Variants in ZNF827 observed in about 807,000 individuals in gnomAD.
ZNF827 encodes zinc finger protein 827.
Under a neutral mutation model 102.4 loss-of-function variants are expected in ZNF827, and 13 were observed. That is an observed-to-expected ratio of 0.13 (90% CI 0.08 to 0.20). The LOEUF is 0.20. Ranked by LOEUF, ZNF827 falls within the 10% of genes least tolerant of loss-of-function variation. The pLI is 1.00. For synonymous variants in ZNF827, 523 were observed against 536.2 expected (o/e 0.98, Z 0.34); for missense variants, 1,103 against 1,344.4 (o/e 0.82, Z 2.81).
chr4:145,938,551 G>C lies in ZNF827; in HGVS notation c.-144C>G, dbSNP rs1460744640. On this transcript the variant is annotated 5_prime_UTR_variant, in exon 1 of 15. Transcript: ENST00000508784. The stretch of plus-strand genomic sequence containing the variant: ...CAGGGGGAAACCCCTTCTCCGGTGT[G>C]TGCAATGGGTTGAAGCTTGTTTCCT... 2 of 621,986 alleles carry C rather than the reference G, an allele frequency of 3.2e-6. No homozygotes were observed. The highest frequency in any genetic ancestry group is 2.8e-6 in the Non-Finnish European group (1 of 353,970). The allele number at this position is 621,986 out of a possible 1,614,324, so 38.5% of individuals were successfully genotyped here. A position where few individuals can be genotyped will look rare whatever the true frequency, so the allele number is the denominator to read the frequency against.
At chr4:145,907,253 C>T in intron 1 of ZNF827, 1 of 455,102 alleles carries the variant, frequency 2.2e-6, no homozygotes, top group Admixed American at 2.4e-5. Context: ...TGTCCAATCT[C>T]ATAATGGAGG....
At chr4:145,857,369 T>C (rs1747249044) in intron 5 of ZNF827, among the ~76,000 whole-genome samples, 1 of 152,220 alleles carries the variant, frequency 6.6e-6, no homozygotes, top group African/African-American at 2.4e-5. Flanking sequence ...CTTTCTGGGG[T>C]ACATGAAACA....
At chr4:145,771,600 G>A (rs545478829) in intron 11 of ZNF827, among the ~76,000 whole-genome samples, 1 of 152,338 alleles carries the variant, frequency 6.6e-6, no homozygotes, top group East Asian at 1.9e-4. Context: ...ACGCCAGACA[G>A]TGGGAGAAAG....
At chr4:145,904,481 G>A (rs1316963957) in intron 1 of ZNF827, among the ~76,000 whole-genome samples, 1 of 152,208 alleles carries the variant, frequency 6.6e-6, no homozygotes, top group Non-Finnish European at 1.5e-5. Context: ...TCAAGGTGGA[G>A]CTTCACAGAA....
chr4:145,870,600 A>G (rs1748599718), intron 4 of ZNF827, 122 bp from the exon 5 acceptor site: 1 of 840,438 alleles, frequency 1.2e-6, no homozygotes, highest in Non-Finnish European at 1.8e-6. Context: ...AGGGATCACA[A>G]CCTCATCAGA....
intron 1 of ZNF827, among the ~76,000 whole-genome samples, chr4:145,920,212 A>T (rs1229060303): frequency 2.0e-5 from 3 of 152,216 alleles, no homozygotes; most frequent in Non-Finnish European, 2.9e-5. Flanking sequence ...TGATATTGTT[A>T]CCCAGCTCTA....
intron 7 of ZNF827, among the ~76,000 whole-genome samples, chr4:145,841,378 C>T (rs1745400590): frequency 6.6e-6 from 1 of 152,156 alleles, no homozygotes; most frequent in South Asian, 2.1e-4. Flanking sequence ...TGATATCATG[C>T]CTCATGTATT....
rs572234935 is a variant in ZNF827, at chr4:145,765,723, G to T, written c.2876C>A (p.Thr959Asn). The T allele has an allele frequency of 1.7e-5, 28 of 1,613,592 alleles. No homozygotes were observed. The South Asian group carries it at 2.6e-4, about 15-fold the overall frequency. ...GTKHTGEDRK[T>N]PSESNSPSSS... ...AGAGGGGCTATTTGATTCGCTGGGG[G>T]TCTTCCTGTCTTCCCCTGAAAAATA... Residue 959 changes from threonine to asparagine, a missense_variant, in exon 12 of 15, where the codon ACC becomes AAC. Physicochemically the swap from Thr to Asn is moderately conservative, Grantham distance 65 (BLOSUM62 0). This residue lies in a region of ZNF827 where 242 missense variants were observed against 361.9 expected (regional missense o/e 0.67). Transcript: ENST00000508784. The surrounding 1 kb of genome is among the most constrained non-coding windows in gnomAD (Gnocchi z 4.7).
chr4:145,782,154 A>C (rs866779953), intron 8 of ZNF827, among the ~76,000 whole-genome samples: 9 of 152,174 alleles, frequency 5.9e-5, no homozygotes, highest in Non-Finnish European at 1.2e-4. Context: ...TGCTCTCCCC[A>C]CCTCATGTTT....
rs79070383 is a variant in ZNF827 at position 145,829,907 on chromosome 4, G to C, written c.2280-6382C>G. On this transcript the variant is annotated intron_variant, in intron 7 of 14. Transcript: ENST00000508784. ...CAGTATTTTAAAAACTCTGACCTTT[G>C]AATCACTTAGACCTTGAGAAACCCT... Among the ~76,000 whole-genome samples, 1,143 of 151,952 alleles carry C rather than the reference G, an allele frequency of 7.5e-3. 9 individuals carry two copies. The highest frequency in any genetic ancestry group is 0.026 in the African/African-American group (1,070 of 41,232).
At chr4:145,861,244 T>G (rs1279905773) in intron 5 of ZNF827, among the ~76,000 whole-genome samples, 1 of 152,254 alleles carries the variant, frequency 6.6e-6, no homozygotes, top group South Asian at 2.1e-4. Context: ...GGAATGAGAA[T>G]GCTTTTGATA....
chr4:145,914,245 A>G (rs1040582528), intron 1 of ZNF827, among the ~76,000 whole-genome samples: 3 of 152,222 alleles, frequency 2.0e-5, no homozygotes, highest in Non-Finnish European at 2.9e-5. Flanking sequence ...AGACTTAGCA[A>G]GGGAAAAGAG....
chr4:145,842,936 A>G (rs766846702), intron 7 of ZNF827, among the ~76,000 whole-genome samples: 7 of 152,238 alleles, frequency 4.6e-5, no homozygotes, highest in Non-Finnish European at 7.3e-5. Flanking sequence ...ACAGAAATTC[A>G]GAGGTTTGAT....
At chr4:145,874,403 C>T (rs921030803) in intron 4 of ZNF827, among the ~76,000 whole-genome samples, 6 of 152,038 alleles carry the variant, frequency 3.9e-5, no homozygotes, top group Non-Finnish European at 7.4e-5. Context: ...TTTTAATTTC[C>T]CAAACATTTG....
chr4:145,857,217 T>TA (rs1255551542), intron 5 of ZNF827, among the ~76,000 whole-genome samples: 6 of 152,196 alleles, frequency 3.9e-5, no homozygotes, highest in African/African-American at 1.4e-4. Flanking sequence ...GGGATCAACT[T>TA]AGAGTCAATT....
At chr4:145,905,861 A>C (rs1751820417) in intron 1 of ZNF827, among the ~76,000 whole-genome samples, 1 of 152,226 alleles carries the variant, frequency 6.6e-6, no homozygotes, top group Admixed American at 6.5e-5. Context: ...TTATTAAATG[A>C]AGTACACTCA....
At chr4:145,919,081 C>A (rs1752882890) in intron 1 of ZNF827, among the ~76,000 whole-genome samples, 1 of 151,998 alleles carries the variant, frequency 6.6e-6, no homozygotes. Context: ...CATAGCAAGA[C>A]TCCCATCTCT....
At chr4:145,869,891 C>A (rs1264585679) in intron 5 of ZNF827, among the ~76,000 whole-genome samples, 1 of 152,154 alleles carries the variant, frequency 6.6e-6, no homozygotes, top group Non-Finnish European at 1.5e-5. Context: ...ATGCCAGGTC[C>A]TCTATTAGGA....
chr4:145,779,517 T>A lies in ZNF827; in HGVS notation c.2384-6A>T. 6.2e-7 allele frequency: 1 copy of A among 1,612,190 alleles called. No homozygotes were observed. Among genetic ancestry groups the A allele is most frequent in the Non-Finnish European group, 8.5e-7 (1 of 1,179,438 alleles). ...TAGGACTATCTTTTCTGTTTCTGGGTCAAAAGAACAAAGCATCATGAGAAA... is the reference window on the plus strand; with the variant it reads ...TAGGACTATCTTTTCTGTTTCTGGGACAAAAGAACAAAGCATCATGAGAAA... On this transcript the variant is annotated splice_polypyrimidine_tract_variant and splice_region_variant and intron_variant, in intron 8 of 14. Transcript: ENST00000508784.
Sources: allele counts gnomAD v4.1 joint callset (sites outside exome capture counted in the v4.1 genomes callset), GRCh38; gene constraint gnomAD v4.1.1; regional missense constraint gnomAD v4.1.1; non-coding constraint Gnocchi (gnomAD v3.1); transcripts MANE v1.5; gene names NCBI Gene and HGNC (gene_info 2026-07-23, HGNC 2026-07-21).